Variants in JADE3 observed in about 807,000 individuals in gnomAD.
The protein encoded by JADE3 is jade family PHD finger 3, also known as protein Jade-3.
JADE3 carries 2 observed loss-of-function variants against 50.1 expected under a neutral mutation model. That is an observed-to-expected ratio of 0.04 (90% confidence interval 0.02 to 0.13). JADE3 has a LOEUF of 0.13. Ranked by LOEUF, JADE3 falls within the 10% of genes least tolerant of loss-of-function variation. The pLI is 1.00. For missense variants in JADE3, 475 were observed against 634.4 expected (o/e 0.75, Z 2.70); for synonymous variants, 218 against 232.9 (o/e 0.94, Z 0.58).
intron 1 of JADE3, among the ~76,000 whole-genome samples, chrX:46,930,726 C>T (rs1353623955): frequency 1.8e-5 from 2 of 111,786 alleles, no homozygotes; most frequent in African/African-American, 6.5e-5. Context: ...CTTTGCCCCA[C>T]TGCACCAGCA....
chrX:46,993,640 C>T (rs143681165), intron 3 of JADE3, among the ~76,000 whole-genome samples: 47 of 111,918 alleles, frequency 4.2e-4, no homozygotes, highest in African/African-American at 1.1e-3. Flanking sequence ...GCCATCAAAA[C>T]GTTCTGTTTA....
intron 1 of JADE3, among the ~76,000 whole-genome samples, chrX:46,946,956 A>G (rs1556343607): frequency 1.8e-5 from 2 of 112,271 alleles, no homozygotes; most frequent in Non-Finnish European, 3.8e-5. Context: ...CTTTAGTTCC[A>G]TGATTCTCAT....
intron 4 of JADE3, among the ~76,000 whole-genome samples, chrX:47,007,333 T>C (rs1472111052): frequency 1.8e-5 from 2 of 111,575 alleles, no homozygotes; most frequent in Non-Finnish European, 3.8e-5. Context: ...TGTACCCTTG[T>C]TGATTTTCTG....
At chrX:46,980,131 T>C (rs782637961) in intron 1 of JADE3, among the ~76,000 whole-genome samples, 6 of 109,876 alleles carry the variant, frequency 5.5e-5, no homozygotes, top group African/African-American at 2.0e-4. Flanking sequence ...CCGTCCGCCT[T>C]AGCCTCCCAA....
chrX:46,942,397 A>AG (rs1926780456), intron 1 of JADE3, among the ~76,000 whole-genome samples: 2 of 112,118 alleles, frequency 1.8e-5, no homozygotes, highest in Admixed American at 9.5e-5. Context: ...ATATGGTGAA[A>AG]GGTAAGGGTT....
chrX:47,055,985 C>CA (rs1929625084), intron 9 of JADE3, 97 bp from the exon 10 acceptor site: 1 of 495,214 alleles, frequency 2.0e-6, no homozygotes, highest in Admixed American at 2.8e-5. Context: ...TCCTCACCCC[C>CA]ACCTGACTTT....
At chrX:46,920,026 G>T (rs945696034) in intron 1 of JADE3, among the ~76,000 whole-genome samples, 1 of 110,915 alleles carries the variant, frequency 9.0e-6, no homozygotes, top group Non-Finnish European at 1.9e-5. Flanking sequence ...TTTGGAACAC[G>T]CATGACCAAG....
chrX:47,033,120 G>A (rs1023614194), intron 6 of JADE3, among the ~76,000 whole-genome samples: 2 of 111,947 alleles, frequency 1.8e-5, no homozygotes, highest in Admixed American at 9.5e-5. Context: ...CAATTGCTAC[G>A]ATTTACTGAG....
intron 1 of JADE3, among the ~76,000 whole-genome samples, chrX:46,951,057 C>CT (rs11291458): frequency 1.8e-5 from 2 of 108,583 alleles, no homozygotes; most frequent in African/African-American, 3.3e-5. Flanking sequence ...CAGTTTTAAA[C>CT]TTTTTTTTAT....
intron 4 of JADE3, among the ~76,000 whole-genome samples, chrX:47,016,890 C>G (rs1364917378): frequency 9.0e-6 from 1 of 111,122 alleles, no homozygotes. Flanking sequence ...GACTAAAGTA[C>G]ACTCTTGCTT....
chrX:46,995,265 G>A (rs782063662), intron 3 of JADE3, among the ~76,000 whole-genome samples: 8 of 110,815 alleles, frequency 7.2e-5, no homozygotes, highest in Non-Finnish European at 1.3e-4. Context: ...TCCTGACCTC[G>A]TAATCCACCC....
chrX:46,992,305 C>T (rs955370156), intron 3 of JADE3, among the ~76,000 whole-genome samples: 1 of 108,985 alleles, frequency 9.2e-6, no homozygotes, highest in Non-Finnish European at 1.9e-5. Context: ...GGCCCTGCCC[C>T]CACCCCAGCT....
intron 1 of JADE3, among the ~76,000 whole-genome samples, chrX:46,919,450 G>A (rs782354628): frequency 5.6e-4 from 63 of 112,173 alleles, no homozygotes; most frequent in African/African-American, 1.9e-3. Context: ...TTGAGCATTG[G>A]TAATAAGGAC....
chrX:46,997,389 G>C (rs1928155107), intron 3 of JADE3, among the ~76,000 whole-genome samples: 1 of 111,409 alleles, frequency 9.0e-6, no homozygotes, highest in Admixed American at 9.5e-5. Context: ...ATGGTGGTAT[G>C]TGCCTGTAGT....
At chrX:47,004,455 A>G (rs1262789121) in intron 4 of JADE3, among the ~76,000 whole-genome samples, 2 of 111,202 alleles carry the variant, frequency 1.8e-5, no homozygotes, top group Non-Finnish European at 3.8e-5. Context: ...TGTTTGTTTG[A>G]GGCCTTGCTC....
chrX:47,059,136 CA>C lies in JADE3; in HGVS notation c.*60del, dbSNP rs782630411. 2.3e-6 allele frequency: 2 copies of C among 856,829 alleles called. No homozygotes were observed. Among genetic ancestry groups the C allele is most frequent in the South Asian group, 5.4e-5 (2 of 37,041 alleles). The allele number at this position is 856,829 out of a possible 1,213,427, so 70.6% of individuals were successfully genotyped here. ...TTTGCCCCATATATTGGGGAAAACC[CA>C]TACACCAAAAGGATTTTAGCATATG... On this transcript the variant is annotated 3_prime_UTR_variant, in exon 11 of 11. Coordinates refer to ENST00000614628, the MANE Select transcript of JADE3 (RefSeq NM_014735.5).
At chrX:46,985,206 T>C (rs73630247) in intron 2 of JADE3, among the ~76,000 whole-genome samples, 6,594 of 111,542 alleles carry the variant, frequency 0.059, 474 homozygotes, top group African/African-American at 0.2. Context: ...ACAGAGCTTC[T>C]CTAGAAAGAA....
At position 46,939,067 on chromosome X, in the gene JADE3, TCCACTC is replaced by T. The variant is rs1556341774; in HGVS notation, c.-12+26349_-12+26354del. Among the ~76,000 whole-genome samples the T allele has an allele frequency of 3.6e-5, 4 of 112,207 alleles. No homozygotes were observed. The East Asian group carries it at 1.1e-3, about 31-fold the overall frequency. ...GTCTCAAACTCCTGACCTCAAGTGA[TCCACTC>T]ACCTTGGCCTCCCAAAGTACTGGGG... is the stretch of plus-strand genomic sequence containing the variant. On this transcript the variant is annotated intron_variant, in intron 1 of 10. Transcript: ENST00000614628.
intron 8 of JADE3, among the ~76,000 whole-genome samples, chrX:47,049,942 T>C (rs1364772406): frequency 9.4e-6 from 1 of 106,550 alleles, no homozygotes; most frequent in Non-Finnish European, 1.9e-5. Context: ...CTTCTTTTTT[T>C]TAATGGTAAT....
Sources: allele counts gnomAD v4.1 joint callset (sites outside exome capture counted in the v4.1 genomes callset), GRCh38; gene constraint gnomAD v4.1.1; transcripts MANE v1.5; gene names NCBI Gene and HGNC (gene_info 2026-07-23, HGNC 2026-07-21).